Variants in SOHLH1 observed in about 807,000 individuals in gnomAD.
SOHLH1 encodes spermatogenesis and oogenesis specific basic helix-loop-helix 1.
In SOHLH1, 23 loss-of-function variants were observed where a neutral mutation model predicts 36.2. That is an observed-to-expected ratio of 0.64 (90% CI 0.46 to 0.90). SOHLH1 has a LOEUF of 0.90. Ranked by LOEUF, SOHLH1 falls within the 40% of genes least tolerant of loss-of-function variation. SOHLH1 has a pLI of 0.00. For missense variants in SOHLH1, 608 were observed against 517.0 expected (o/e 1.18, Z -1.71); for synonymous variants, 289 against 228.3 (o/e 1.27, Z -2.40).
At chr9:135,700,083 C>T (rs375323719), upstream of SOHLH1, among the ~76,000 whole-genome samples, 1 of 152,206 alleles carries the variant, frequency 6.6e-6, no homozygotes, top group South Asian at 2.1e-4. Flanking sequence ...CCCCAGGCCA[C>T]CATCGTCCGT....
intron 3 of SOHLH1, among the ~76,000 whole-genome samples, chr9:135,697,956 G>A (rs1251884647): frequency 1.3e-5 from 1 of 77,244 alleles, no homozygotes; most frequent in African/African-American, 3.7e-5. Flanking sequence ...CAGAGCCTTG[G>A]AGAGGGGAGA....
chr9:135,700,245 G>T (rs1834985475), upstream of SOHLH1, among the ~76,000 whole-genome samples: 2 of 152,176 alleles, frequency 1.3e-5, no homozygotes, highest in African/African-American at 4.8e-5. Context: ...GATCGCGGGG[G>T]TCCTGCCCAT....
At position 135,699,015 on chromosome 9, in the gene SOHLH1, C is replaced by T; in HGVS notation, c.177G>A (p.Val59=). 2 of 1,611,626 alleles carry T rather than the reference C, an allele frequency of 1.2e-6. No individual in the cohort carries two copies. Among genetic ancestry groups the T allele is most frequent in the Non-Finnish European group, 1.7e-6 (2 of 1,179,752 alleles). Residue 59 remains valine (V), a synonymous_variant, in exon 2 of 8, where the codon GTG becomes GTA. Transcript: ENST00000425225. ...EGPSSCLRRN[V]ISERERRKRM... is the part of the protein sequence containing the mutation. The stretch of plus-strand genomic sequence containing the variant: ...CTCACCTGCGCTCCCTCTCGCTGAT[C>T]ACGTTCCGCCGAAGGCAGGAGCTGG...
intron 2 of SOHLH1, 39 bp downstream of exon 2, chr9:135,698,956 T>C: frequency 1.2e-6 from 2 of 1,610,786 alleles, no homozygotes; most frequent in Non-Finnish European, 1.7e-6. Context: ...GCTCCACCCC[T>C]TTACAGCGCC....
In SOHLH1 at chr9:135,697,489, C is replaced by A. The variant is rs1410260588; in HGVS notation, c.467+17G>T. On this transcript the variant is annotated intron_variant, in intron 4 of 7. Coordinates refer to ENST00000425225, the MANE Select transcript of SOHLH1 (RefSeq NM_001101677.2). ...GGGTCACCCAGCCCTGGAGAGCGGG[C>A]CCCAGGAGACACTAACCGAGTCCCG... The A allele has an allele frequency of 1.2e-6, 2 of 1,605,738 alleles. No homozygotes were observed. The highest frequency in any genetic ancestry group is 8.5e-7 in the Non-Finnish European group (1 of 1,177,882).
chr9:135,699,059 G>C lies in SOHLH1; in HGVS notation c.133C>G (p.Pro45Ala). Reference protein sequence around the residue: ...SARGSGPPKAPTVAEGPSSCL... With the variant: ...SARGSGPPKAATVAEGPSSCL... ...GAGCTGGGACCCTCGGCCACCGTAG[G>C]GGCCTTGGGCGGGCCCGAGCCCCGG... The change falls in exon 2 of 8, where the codon CCT becomes GCT. Residue 45 changes from proline (P) to alanine (A), a missense_variant. Transcript: ENST00000425225. 1 of 1,611,154 alleles carries C rather than the reference G, an allele frequency of 6.2e-7. No homozygotes were observed. The highest frequency in any genetic ancestry group is 1.1e-5 in the South Asian group (1 of 91,010).
Position 135,697,487 on chromosome 9 carries a change from G to A in SOHLH1, c.467+19C>T. ...CAGGGTCACCCAGCCCTGGAGAGCG[G>A]GCCCCAGGAGACACTAACCGAGTCC... On this transcript the variant is annotated intron_variant, in intron 4 of 7. Coordinates refer to ENST00000425225, the MANE Select transcript of SOHLH1 (RefSeq NM_001101677.2). The A allele has an allele frequency of 6.2e-7, 1 of 1,605,704 alleles. No individual in the cohort carries two copies. Among genetic ancestry groups the A allele is most frequent in the Non-Finnish European group, 8.5e-7 (1 of 1,178,084 alleles).
Position 135,693,602 on chromosome 9 carries a change from A to C in SOHLH1, c.1159T>G (p.Cys387Gly). 1 of 1,568,900 alleles carries C rather than the reference A, an allele frequency of 6.4e-7. No homozygotes were observed. The highest frequency in any genetic ancestry group is 8.6e-7 in the Non-Finnish European group (1 of 1,156,578). ...TCCTCTCCACAGCCTGGCTGCTAGC[A>C]GGCAAAGAAGTCAGGGAAGATGCTC... ...VESIFPDFFA[C>G] Residue 387 changes from cysteine to glycine, a missense_variant, in exon 8 of 8, where the codon TGC (cysteine) becomes GGC (glycine). Coordinates refer to ENST00000425225, the MANE Select transcript of SOHLH1 (RefSeq NM_001101677.2).
rs978199322 is a variant in SOHLH1 at position 135,693,644 on chromosome 9, G to A, written c.1117C>T (p.Leu373=). The part of the protein sequence containing the change: ...GLDVDCAGLA[L]KDEVESIFPD... ...AAGATGCTCTCCACCTCGTCCTTCA[G>A]GGCCAGGCCTGCACAGTCCACATCC... Residue 373 remains leucine (L), a synonymous_variant, in exon 8 of 8, where the codon CTG becomes TTG. Coordinates refer to ENST00000425225, the MANE Select transcript of SOHLH1 (RefSeq NM_001101677.2). The A allele has an allele frequency of 6.3e-7, 1 of 1,587,374 alleles. No homozygotes were observed. The highest frequency in any genetic ancestry group is 1.3e-5 in the African/African-American group (1 of 74,246).
chr9:135,693,701 G>A lies in SOHLH1; in HGVS notation c.1060C>T (p.Leu354Phe). Residue 354 changes from leucine to phenylalanine, a missense_variant, in exon 8 of 8, where the codon CTC becomes TTC. Leu to Phe is a conservative substitution (Grantham distance 22). Coordinates refer to ENST00000425225, the MANE Select transcript of SOHLH1 (RefSeq NM_001101677.2). ...CACGGCTCCAGAGGGCTGTCCTGGA[G>A]CTCCTGGGAGCCAAGCTCAGGGTCC... The part of the protein sequence containing the change: ...LGDPELGSQE[L>F]QDSPLEPWGL... 3.2e-6 allele frequency: 5 copies of A among 1,575,542 alleles called. No individual in the cohort carries two copies. Among genetic ancestry groups the A allele is most frequent in the Non-Finnish European group, 4.3e-6 (5 of 1,161,440 alleles).
Position 135,699,107 on chromosome 9 carries a change from G to C in SOHLH1, c.85C>G (p.Leu29Val). 3 of 1,606,118 alleles carry C rather than the reference G, an allele frequency of 1.9e-6. No individual in the cohort carries two copies. Among genetic ancestry groups the C allele is most frequent in the African/African-American group, 2.7e-5 (2 of 74,812 alleles). ...CGGGCCGAGTCCTCGCAGCAGGAGAGGGCACCAGACAGGGAGCCGCTGCCG... is the reference window on the plus strand; with the variant it reads ...CGGGCCGAGTCCTCGCAGCAGGAGACGGCACCAGACAGGGAGCCGCTGCCG... ...RGCNGSLSGA[L>V]SCCEDSARGS... Residue 29 changes from leucine (L) to valine (V), a missense_variant, in exon 2 of 8, where the codon CTC (leucine) becomes GTC (valine). Leu to Val is a conservative substitution (Grantham distance 32). Transcript: ENST00000425225.
At chr9:135,697,411 C>T (rs1390579290) in intron 4 of SOHLH1, 95 bp downstream of exon 4, 3 of 1,549,504 alleles carry the variant, frequency 1.9e-6, no homozygotes, top group Non-Finnish European at 2.6e-6. Flanking sequence ...GCCGGGCCTC[C>T]AGGCCACACC....
At chr9:135,700,803 T>TA (rs1835004991), upstream of SOHLH1, among the ~76,000 whole-genome samples, 1 of 152,054 alleles carries the variant, frequency 6.6e-6, no homozygotes, top group South Asian at 2.1e-4. Flanking sequence ...GCAAAAGCTC[T>TA]CGGGGACCTG....
intron 3 of SOHLH1, among the ~76,000 whole-genome samples, chr9:135,698,011 G>A (rs1318216686): frequency 6.6e-6 from 1 of 152,100 alleles, no homozygotes; most frequent in African/African-American, 2.4e-5. Context: ...TCTAGGGGGT[G>A]CTCAGCCAGG....
upstream of SOHLH1, among the ~76,000 whole-genome samples, chr9:135,699,845 GC>G (rs1351764717): frequency 1.3e-5 from 2 of 152,072 alleles, no homozygotes; most frequent in Non-Finnish European, 2.9e-5. Context: ...TGCGGGCTCT[GC>G]CCTTAGGAGC....
At chr9:135,697,365 C>G in intron 4 of SOHLH1, 141 bp downstream of exon 4, 2 of 1,271,522 alleles carry the variant, frequency 1.6e-6, no homozygotes, top group Non-Finnish European at 2.2e-6. Flanking sequence ...CCTGAGTTGG[C>G]AGGGCCCTGG....
chr9:135,701,362 C>T (rs935079615), upstream of SOHLH1, among the ~76,000 whole-genome samples: 1 of 152,244 alleles, frequency 6.6e-6, no homozygotes, highest in South Asian at 2.1e-4. Context: ...CTGGCCCTCC[C>T]CCTGGCCCTC....
intron 4 of SOHLH1, 151 bp downstream of exon 4, chr9:135,697,355 C>T: frequency 8.5e-7 from 1 of 1,181,594 alleles, no homozygotes; most frequent in South Asian, 1.3e-5. Flanking sequence ...CACCTGGCCA[C>T]CTGAGTTGGC....
upstream of SOHLH1, chr9:135,699,482 G>T (rs374518023): frequency 2.6e-5 from 42 of 1,610,860 alleles, no homozygotes; most frequent in Non-Finnish European, 1.7e-5. Flanking sequence ...TCGCAGCTGC[G>T]GAGCGACCCC....
Sources: gnomAD v4.1 joint callset for allele counts (sites outside exome capture counted in the v4.1 genomes callset) on GRCh38, gnomAD v4.1.1 for gene constraint, MANE v1.5 for transcripts, NCBI Gene and HGNC (gene_info 2026-07-23, HGNC 2026-07-21) for gene names.